The following CDH7 variants were observed in gnomAD, a reference collection of about 807,000 sequenced individuals.
The protein encoded by CDH7 is cadherin-7.
In CDH7, 25 loss-of-function variants were observed where a neutral mutation model predicts 71.8. That is an observed-to-expected ratio of 0.35 (90% CI 0.25 to 0.49). The LOEUF is 0.49. CDH7 is among the 20% of genes least tolerant of loss of function. CDH7 has a pLI of 0.99. For synonymous variants in CDH7, 381 were observed against 363.8 expected (o/e 1.05, Z -0.54); for missense variants, 862 against 974.6 (o/e 0.88, Z 1.54).
At chr18:65,766,068 G>A (rs1249700493) in intron 2 of CDH7, among the ~76,000 whole-genome samples, 1 of 152,000 alleles carries the variant, frequency 6.6e-6, no homozygotes, top group Non-Finnish European at 1.5e-5. Context: ...ATGAAAGCCG[G>A]TATTATTTTA....
upstream of CDH7, chr18:65,750,543 C>G (rs972731152): frequency 2.6e-5 from 4 of 152,314 alleles, no homozygotes; most frequent in African/African-American, 9.6e-5. Context: ...ACAGATCCGC[C>G]AGGCGGGAGG....
chr18:65,822,776 T>C (rs1911982485), intron 5 of CDH7, among the ~76,000 whole-genome samples: 1 of 151,984 alleles, frequency 6.6e-6, no homozygotes. Context: ...TGTGCAAACA[T>C]TCAGTGTTTT....
chr18:65,755,680 A>G (rs971831720), intron 1 of CDH7, among the ~76,000 whole-genome samples: 1 of 152,196 alleles, frequency 6.6e-6, no homozygotes, highest in Non-Finnish European at 1.5e-5. Flanking sequence ...GGCATTCCCA[A>G]AAATGTATTA....
intron 2 of CDH7, among the ~76,000 whole-genome samples, chr18:65,769,874 A>G (rs1316175437): frequency 6.6e-6 from 1 of 152,166 alleles, no homozygotes; most frequent in Non-Finnish European, 1.5e-5. Flanking sequence ...GAGGATGTTG[A>G]CGTGACTCAT....
intron 2 of CDH7, among the ~76,000 whole-genome samples, chr18:65,797,320 C>T (rs1471595094): frequency 1.3e-5 from 2 of 152,012 alleles, no homozygotes; most frequent in East Asian, 1.9e-4. Context: ...TCTCTTTTTT[C>T]CCTTTTTCTT....
intron 7 of CDH7, among the ~76,000 whole-genome samples, chr18:65,856,291 G>A (rs990288565): frequency 6.6e-6 from 1 of 152,122 alleles, no homozygotes; most frequent in African/African-American, 2.4e-5. Context: ...ATTATGGTTT[G>A]ATGTCACTAA....
chr18:65,798,269 A>G (rs1427475625), intron 2 of CDH7, among the ~76,000 whole-genome samples: 3 of 152,224 alleles, frequency 2.0e-5, no homozygotes, highest in Admixed American at 6.5e-5. Context: ...GAAACGAGTG[A>G]CACACTGCCT....
chr18:65,828,306 C>T (rs867647688), intron 6 of CDH7, among the ~76,000 whole-genome samples: 7 of 151,996 alleles, frequency 4.6e-5, no homozygotes, highest in Non-Finnish European at 7.4e-5. Context: ...TTACTAATTA[C>T]GAAGGTTTTC....
chr18:65,860,604 A>C (rs1913529606), intron 10 of CDH7, among the ~76,000 whole-genome samples: 1 of 152,156 alleles, frequency 6.6e-6, no homozygotes, highest in South Asian at 2.1e-4. Context: ...AGAGCATTTG[A>C]AACTGATGTA....
At chr18:65,750,899 G>A (rs1291409846), upstream of CDH7, 2 of 152,162 alleles carry the variant, frequency 1.3e-5, no homozygotes, top group African/African-American at 4.8e-5. Flanking sequence ...CAGACGCAGC[G>A]GGCCCCCGGC....
intron 5 of CDH7, among the ~76,000 whole-genome samples, chr18:65,822,523 TATTA>T (rs1361561534): frequency 8.6e-5 from 13 of 150,562 alleles, no homozygotes; most frequent in African/African-American, 2.7e-4. Context: ...ACTAGACAAT[TATTA>T]ATTGTGTTTA....
In CDH7 at chr18:65,888,127, G is replaced by C. The variant is rs561977385; in HGVS notation, c.*7233G>C. 76 of 152,232 alleles carry C rather than the reference G, an allele frequency of 5.0e-4. No individual in the cohort carries two copies. Among genetic ancestry groups the C allele is most frequent in the African/African-American group, 1.7e-3 (72 of 41,548 alleles). 9.4% of individuals were successfully genotyped at this position (152,232 alleles called of 1,614,324 possible). A position where few individuals can be genotyped will look rare whatever the true frequency, so the allele number is the denominator to read the frequency against. ...AATAGATTATTTTCGTTCAGCTCAA[G>C]TGCTATCTTTCAGGCAAATAGACTC... On this transcript the variant is annotated 3_prime_UTR_variant, in exon 12 of 12. Coordinates refer to ENST00000397968, the MANE Select transcript of CDH7 (RefSeq NM_004361.5).
At chr18:65,805,516 C>A (rs1911284432) in intron 2 of CDH7, among the ~76,000 whole-genome samples, 1 of 152,102 alleles carries the variant, frequency 6.6e-6, no homozygotes, top group Non-Finnish European at 1.5e-5. Context: ...CTGAAAAGGC[C>A]AAAGAAGGAG....
At chr18:65,795,945 GC>G (rs1910896590) in intron 2 of CDH7, among the ~76,000 whole-genome samples, 1 of 149,934 alleles carries the variant, frequency 6.7e-6, no homozygotes, top group South Asian at 2.1e-4. Context: ...TCTCTCTCCT[GC>G]CCCCCTGTGA....
chr18:65,797,804 A>G (rs1388587467), intron 2 of CDH7, among the ~76,000 whole-genome samples: 1 of 152,166 alleles, frequency 6.6e-6, no homozygotes, highest in Non-Finnish European at 1.5e-5. Context: ...ATAGCTAGTT[A>G]ATAAACCTAT....
At chr18:65,781,962 T>TTCTCTC (rs575419221) in intron 2 of CDH7, among the ~76,000 whole-genome samples, 1 of 45,938 alleles carries the variant, frequency 2.2e-5, no homozygotes, top group Non-Finnish European at 3.6e-5. Context: ...CTTTCTCTCT[T>TTCTCTC]TCTCTCTCTC....
At chr18:65,814,388 C>A in intron 3 of CDH7, 97 bp from the exon 4 acceptor site, 1 of 1,374,924 alleles carries the variant, frequency 7.3e-7, no homozygotes, top group Non-Finnish European at 1.0e-6. Context: ...TGAAAATTTT[C>A]AAATAAGCTT....
At chr18:65,825,768 T>C (rs572306715) in intron 6 of CDH7, among the ~76,000 whole-genome samples, 1 of 152,016 alleles carries the variant, frequency 6.6e-6, no homozygotes, top group Non-Finnish European at 1.5e-5. Flanking sequence ...GAAAAACATT[T>C]CTGCAATTAT....
At chr18:65,871,181 T>G (rs1913915445) in intron 11 of CDH7, among the ~76,000 whole-genome samples, 1 of 152,150 alleles carries the variant, frequency 6.6e-6, no homozygotes, top group African/African-American at 2.4e-5. Context: ...CCCAAAAAGT[T>G]CGGAACTGAA....
Sources: gnomAD v4.1 joint callset for allele counts (sites outside exome capture counted in the v4.1 genomes callset) on GRCh38, gnomAD v4.1.1 for gene constraint, MANE v1.5 for transcripts, NCBI Gene and HGNC (gene_info 2026-07-23, HGNC 2026-07-21) for gene names.